PTK2B: variants seen among roughly 807,000 people sequenced by gnomAD.
PTK2B encodes the protein protein tyrosine kinase 2 beta.
Under a neutral mutation model 142.9 loss-of-function variants are expected in PTK2B, and 71 were observed. The ratio of observed to expected loss-of-function variants is 0.50; its 90% confidence interval spans 0.41 to 0.61. PTK2B has a LOEUF of 0.61. Ranked by LOEUF, PTK2B falls within the 20% of genes least tolerant of loss-of-function variation. PTK2B has a pLI of 0.00. For missense variants in PTK2B, 1,105 were observed against 1,320.4 expected (o/e 0.84, Z 2.53); for synonymous variants, 519 against 503.4 (o/e 1.03, Z -0.42).
At chr8:27,435,326 C>G (rs1417458226) in intron 13 of PTK2B, among the ~76,000 whole-genome samples, 1 of 152,230 alleles carries the variant, frequency 6.6e-6, no homozygotes, top group Non-Finnish European at 1.5e-5. Flanking sequence ...CACCACCTCC[C>G]AAAGGCCCCA....
At chr8:27,447,481 A>G (rs891898099) in intron 24 of PTK2B, among the ~76,000 whole-genome samples, 1 of 152,246 alleles carries the variant, frequency 6.6e-6, no homozygotes, top group Non-Finnish European at 1.5e-5. Context: ...AGCCTGACTC[A>G]TCAGGGAGTC....
Position 27,433,479 on chromosome 8 carries a change from G to A in PTK2B, c.1032G>A (p.Met344Ile), listed in dbSNP as rs1223833767. ...CATCCCTAGCAGAGGCTGAGAACAT[G>A]GCTGACCTCATAGACGGCTACTGCC... ...KTSSLAEAEN[M>I]ADLIDGYCRL... The change falls in exon 11 of 31, where the codon ATG becomes ATA. Residue 344 changes from methionine to isoleucine, a missense_variant. By Grantham distance (10) the Met-to-Ile change is conservative. Coordinates refer to ENST00000346049, the MANE Select transcript of PTK2B (RefSeq NM_173176.3). The A allele has an allele frequency of 6.2e-7, 1 of 1,614,212 alleles. No homozygotes were observed. The highest frequency in any genetic ancestry group is 2.2e-5 in the East Asian group (1 of 44,886).
chr8:27,348,019 CT>C (rs1804816600), intron 1 of PTK2B, among the ~76,000 whole-genome samples: 1 of 152,240 alleles, frequency 6.6e-6, no homozygotes, highest in Non-Finnish European at 1.5e-5. Flanking sequence ...GCATCATACC[CT>C]AGCAATGTGG....
At chr8:27,441,770 G>A (rs1035810525) in intron 21 of PTK2B, among the ~76,000 whole-genome samples, 2 of 152,366 alleles carry the variant, frequency 1.3e-5, no homozygotes, top group African/African-American at 4.8e-5. Flanking sequence ...AAAAGTATTT[G>A]AAGGATGTAA....
intron 1 of PTK2B, among the ~76,000 whole-genome samples, chr8:27,330,942 C>T (rs912576798): frequency 1.3e-5 from 2 of 152,168 alleles, no homozygotes; most frequent in Non-Finnish European, 2.9e-5. Context: ...TGACTAAAAC[C>T]AAGATCAGCA....
At position 27,440,294 on chromosome 8, in the gene PTK2B, A is replaced by G. The variant is rs1393120791; in HGVS notation, c.1892A>G (p.Asn631Ser). The G allele has an allele frequency of 1.9e-6, 3 of 1,614,042 alleles. No individual in the cohort carries two copies. Among genetic ancestry groups the G allele is most frequent in the African/African-American group, 2.7e-5 (2 of 74,924 alleles). Reference protein sequence around the residue: ...FGKQPFFWLENKDVIGVLEKG... With the variant: ...FGKQPFFWLESKDVIGVLEKG... ...AAGCAGCCCTTCTTCTGGCTGGAGA[A>G]CAAGGATGTCATCGGGGTGCTGGAG... The change falls in exon 21 of 31, where the codon AAC (asparagine) becomes AGC (serine). Residue 631 changes from asparagine to serine, a missense_variant. Transcript: ENST00000346049.
At chr8:27,427,071 G>A (rs1489474194) in intron 5 of PTK2B, among the ~76,000 whole-genome samples, 5 of 152,166 alleles carry the variant, frequency 3.3e-5, no homozygotes, top group African/African-American at 4.8e-5. Flanking sequence ...ATCTCACCCC[G>A]TGGGTGGGTG....
chr8:27,379,075 A>T (rs1019213502), intron 1 of PTK2B, among the ~76,000 whole-genome samples: 1 of 152,146 alleles, frequency 6.6e-6, no homozygotes, highest in African/African-American at 2.4e-5. Context: ...ACGTGGCTGC[A>T]TGGGGAATGT....
chr8:27,387,762 T>C (rs1301504035), intron 1 of PTK2B, among the ~76,000 whole-genome samples: 1 of 152,138 alleles, frequency 6.6e-6, no homozygotes, highest in Non-Finnish European at 1.5e-5. Context: ...CTAAATCCTA[T>C]TTTTTAATCC....
chr8:27,343,330 C>CT (rs2130169263), intron 1 of PTK2B, among the ~76,000 whole-genome samples: 1 of 152,328 alleles, frequency 6.6e-6, no homozygotes, highest in South Asian at 2.1e-4. Context: ...CCTCTCAAAT[C>CT]ATTTCCAAAC....
At chr8:27,366,800 G>A (rs1297866452) in intron 1 of PTK2B, among the ~76,000 whole-genome samples, 1 of 151,248 alleles carries the variant, frequency 6.6e-6, no homozygotes, top group African/African-American at 2.4e-5. Context: ...GTTTGTGGCT[G>A]TGTGGCTGTG....
chr8:27,434,051 G>A, intron 11 of PTK2B, 42 bp from the exon 12 acceptor site: 4 of 1,608,044 alleles, frequency 2.5e-6, no homozygotes, highest in Non-Finnish European at 3.4e-6. Flanking sequence ...CCAGGTCCCT[G>A]TGTCCCCAGC....
upstream of PTK2B, among the ~76,000 whole-genome samples, chr8:27,323,979 TC>T (rs1191703004): frequency 5.9e-5 from 9 of 152,272 alleles, no homozygotes; most frequent in East Asian, 1.5e-3. Flanking sequence ...TGCTTTTAGT[TC>T]CCACTGCCAC....
chr8:27,441,295 T>A (rs1043130985), intron 21 of PTK2B, among the ~76,000 whole-genome samples: 1 of 152,196 alleles, frequency 6.6e-6, no homozygotes, highest in South Asian at 2.1e-4. Context: ...GTCTTTTAAT[T>A]TTTTTCAGTC....
intron 24 of PTK2B, 133 bp downstream of exon 24, chr8:27,446,052 T>A (rs1221803245): frequency 7.5e-7 from 1 of 1,339,762 alleles, no homozygotes; most frequent in Non-Finnish European, 1.0e-6. Context: ...GTCAGGCCAC[T>A]GAGGTGGCAC....
chr8:27,392,415 G>A (rs1807782086), intron 1 of PTK2B, among the ~76,000 whole-genome samples: 1 of 151,728 alleles, frequency 6.6e-6, no homozygotes, highest in East Asian at 1.9e-4. Context: ...AAATAGTCAT[G>A]ATGATAGAGC....
chr8:27,362,466 T>G (rs1216106192), intron 1 of PTK2B, among the ~76,000 whole-genome samples: 2 of 152,120 alleles, frequency 1.3e-5, no homozygotes, highest in Admixed American at 1.3e-4. Context: ...TGGGATGAAT[T>G]TCTCACCTAG....
intron 21 of PTK2B, 61 bp downstream of exon 21, chr8:27,440,502 C>A: frequency 6.4e-7 from 1 of 1,555,290 alleles, no homozygotes. Context: ...GGAGCAAGAC[C>A]AGCACACAGA....
Position 27,454,549 on chromosome 8 carries a change from C to T in PTK2B, c.2752C>T (p.Arg918Trp), listed in dbSNP as rs773822868. The T allele has an allele frequency of 2.6e-5, 42 of 1,614,020 alleles. No individual in the cohort carries two copies. Among genetic ancestry groups the T allele is most frequent in the Non-Finnish European group, 2.9e-5 (34 of 1,179,990 alleles). Reference protein sequence around the residue: ...VVVKNVGLTLRKLIGSVDDLL... With the variant: ...VVVKNVGLTLWKLIGSVDDLL... ...CCCCCAGAATGTGGGGCTGACCCTG[C>T]GGAAGCTCATCGGGAGCGTGGATGA... The change falls in exon 30 of 31, where the codon CGG becomes TGG. Residue 918 changes from arginine to tryptophan, a missense_variant. Physicochemically the swap from Arg to Trp is moderately radical, Grantham distance 101. Coordinates refer to ENST00000346049, the MANE Select transcript of PTK2B (RefSeq NM_173176.3).
Sources: gnomAD v4.1 joint callset for allele counts (sites outside exome capture counted in the v4.1 genomes callset) on GRCh38, gnomAD v4.1.1 for gene constraint, MANE v1.5 for transcripts, NCBI Gene and HGNC (gene_info 2026-07-23, HGNC 2026-07-21) for gene names.